Variants in SESTD1 observed in about 807,000 individuals in gnomAD.
SESTD1 encodes SEC14 and spectrin domain containing 1, also known as SEC14 domain and spectrin repeat-containing protein 1.
Under a neutral mutation model 101.7 loss-of-function variants are expected in SESTD1, and 43 were observed. The observed-to-expected ratio is 0.42, with a 90% CI of 0.33 to 0.55. The LOEUF is 0.55. Ranked by LOEUF, SESTD1 falls within the 20% of genes least tolerant of loss-of-function variation. The pLI is 0.07. For missense variants in SESTD1, 647 were observed against 815.1 expected (o/e 0.79, Z 2.51); for synonymous variants, 283 against 286.8 (o/e 0.99, Z 0.13).
intron 15 of SESTD1, 62 bp from the exon 16 acceptor site, chr2:179,115,318 A>G: frequency 1.5e-6 from 2 of 1,292,490 alleles, no homozygotes; most frequent in Non-Finnish European, 2.1e-6. Context: ...GGATGGGGAA[A>G]GTGTGCAGGA....
At chr2:179,170,466 T>G (rs2045912829) in intron 5 of SESTD1, among the ~76,000 whole-genome samples, 1 of 152,136 alleles carries the variant, frequency 6.6e-6, no homozygotes, top group Non-Finnish European at 1.5e-5. Flanking sequence ...AAATATGCAT[T>G]TGCTCTTTGT....
intron 1 of SESTD1, among the ~76,000 whole-genome samples, chr2:179,253,359 C>T (rs2047346096): frequency 6.6e-6 from 1 of 152,144 alleles, no homozygotes; most frequent in Non-Finnish European, 1.5e-5. Flanking sequence ...CTGGTGATAT[C>T]CAAAGCAAGT....
chr2:179,156,908 TA>T (rs2045643720), intron 5 of SESTD1, among the ~76,000 whole-genome samples: 1 of 152,184 alleles, frequency 6.6e-6, no homozygotes, highest in Non-Finnish European at 1.5e-5. Flanking sequence ...AGCCAATGTC[TA>T]AAAGGGTTTT....
At chr2:179,137,557 C>G (rs1190311452) in intron 9 of SESTD1, among the ~76,000 whole-genome samples, 5 of 152,192 alleles carry the variant, frequency 3.3e-5, no homozygotes, top group Non-Finnish European at 5.9e-5. Flanking sequence ...AAATAATGAG[C>G]ATAATGATAG....
At chr2:179,115,932 T>C (rs1429873173) in intron 15 of SESTD1, among the ~76,000 whole-genome samples, 1 of 152,132 alleles carries the variant, frequency 6.6e-6, no homozygotes, top group African/African-American at 2.4e-5. Context: ...TTATATTCCA[T>C]ATAGGAAACT....
intron 12 of SESTD1, among the ~76,000 whole-genome samples, 187 bp downstream of exon 12, chr2:179,123,528 G>A (rs749891903): frequency 6.6e-6 from 1 of 151,982 alleles, no homozygotes; most frequent in Non-Finnish European, 1.5e-5. Context: ...ACTAACTAAC[G>A]ATGAAAAATA....
rs1247328446 is a variant in SESTD1 at position 179,103,482 on chromosome 2, A to G, written c.*6417T>C. 6.6e-6 allele frequency: 1 copy of G among 152,122 alleles called. No individual in the cohort carries two copies. The highest frequency in any genetic ancestry group is 1.9e-4 in the East Asian group (1 of 5,200). 9.4% of individuals were successfully genotyped at this position (152,122 alleles called of 1,614,324 possible). The stretch of plus-strand genomic sequence containing the variant: ...AACCTATGTTCACAAAGACTTACGT[A>G]AGAATGGTCATAGCAGCTTTATTTA... On this transcript the variant is annotated 3_prime_UTR_variant, in exon 18 of 18. Transcript: ENST00000428443.
chr2:179,129,624 T>G (rs2154394272), intron 10 of SESTD1, among the ~76,000 whole-genome samples: 1 of 152,326 alleles, frequency 6.6e-6, no homozygotes, highest in African/African-American at 2.4e-5. Flanking sequence ...GTTAAAAGTT[T>G]TCTCAAATTC....
chr2:179,137,773 G>T (rs539038728), intron 9 of SESTD1, among the ~76,000 whole-genome samples: 1 of 152,054 alleles, frequency 6.6e-6, no homozygotes, highest in East Asian at 1.9e-4. Flanking sequence ...CTCTTGCATT[G>T]TTTTCAGTGA....
intron 2 of SESTD1, among the ~76,000 whole-genome samples, chr2:179,185,759 A>G (rs1287647523): frequency 4.1e-5 from 5 of 123,342 alleles, no homozygotes; most frequent in Admixed American, 3.6e-4. Context: ...ATTATATACA[A>G]TATATAATAT....
chr2:179,243,969 C>A (rs1294431673), intron 1 of SESTD1, among the ~76,000 whole-genome samples: 1 of 150,166 alleles, frequency 6.7e-6, no homozygotes, highest in South Asian at 2.1e-4. Context: ...TATACACACA[C>A]ACACACACAC....
At chr2:179,170,725 C>T (rs1360342382) in intron 5 of SESTD1, among the ~76,000 whole-genome samples, 2 of 152,154 alleles carry the variant, frequency 1.3e-5, no homozygotes, top group Non-Finnish European at 2.9e-5. Context: ...TTGAAACTTT[C>T]ATGGCCACTC....
chr2:179,149,059 C>CAAAAAAAAAAA (rs66636048), intron 7 of SESTD1, among the ~76,000 whole-genome samples: 2 of 60,410 alleles, frequency 3.3e-5, no homozygotes, highest in African/African-American at 5.7e-5. Context: ...GACTCCGTCT[C>CAAAAAAAAAAA]AAAAAAAAAA....
At chr2:179,112,877 G>C (rs1169001219) in intron 16 of SESTD1, 32 bp from the exon 17 acceptor site, 2 of 1,592,008 alleles carry the variant, frequency 1.3e-6, no homozygotes, top group Non-Finnish European at 1.7e-6. Context: ...CATCAATCAA[G>C]AGACACAGAC....
chr2:179,154,469 A>G (rs1048376083), intron 5 of SESTD1, among the ~76,000 whole-genome samples: 13 of 152,238 alleles, frequency 8.5e-5, no homozygotes, highest in Non-Finnish European at 1.8e-4. Context: ...TTATCATTTT[A>G]TAATTTTTAA....
chr2:179,190,500 T>A (rs1031425460), intron 2 of SESTD1, among the ~76,000 whole-genome samples: 1 of 151,828 alleles, frequency 6.6e-6, no homozygotes, highest in Admixed American at 6.6e-5. Flanking sequence ...TATGACTAAG[T>A]CCTCAAAAGT....
chr2:179,260,856 G>C (rs2047472552), intron 1 of SESTD1, among the ~76,000 whole-genome samples: 1 of 152,102 alleles, frequency 6.6e-6, no homozygotes, highest in African/African-American at 2.4e-5. Context: ...TGTATGTATG[G>C]TAAAATATGG....
At chr2:179,112,144 T>C (rs1055535220) in intron 17 of SESTD1, among the ~76,000 whole-genome samples, 2 of 152,136 alleles carry the variant, frequency 1.3e-5, no homozygotes, top group Non-Finnish European at 1.5e-5. Context: ...ATAAAGAAAT[T>C]AGAACGCCAT....
In SESTD1 at chr2:179,257,813, T is replaced by C. The variant is rs986305447; in HGVS notation, c.-26+6686A>G. 1.3e-5 allele frequency among the ~76,000 whole-genome samples: 2 copies of C among 152,144 alleles called. 1 individual carries two copies. Among genetic ancestry groups the C allele is most frequent in the African/African-American group, 4.8e-5 (2 of 41,420 alleles). On this transcript the variant is annotated intron_variant, in intron 1 of 17. Coordinates refer to ENST00000428443, the MANE Select transcript of SESTD1 (RefSeq NM_178123.5). ...AGGAAAACCCAGGCAATCTAAGAGATACACAGAGAAGTACTCAGAAGGGGA... is the reference window on the plus strand; with the variant it reads ...AGGAAAACCCAGGCAATCTAAGAGACACACAGAGAAGTACTCAGAAGGGGA...
Sources: allele counts gnomAD v4.1 joint callset (sites outside exome capture counted in the v4.1 genomes callset), GRCh38; gene constraint gnomAD v4.1.1; transcripts MANE v1.5; gene names NCBI Gene and HGNC (gene_info 2026-07-23, HGNC 2026-07-21).